Variants in COL13A1 observed in about 807,000 individuals in gnomAD.
COL13A1 encodes collagen alpha-1(XIII) chain.
In COL13A1, 89 loss-of-function variants were observed where a neutral mutation model predicts 130.9. That is an observed-to-expected ratio of 0.68 (90% CI 0.57 to 0.81). COL13A1 has a LOEUF of 0.81. COL13A1 is among the 30% of genes least tolerant of loss of function. The probability of loss-of-function intolerance (pLI) is 0.00; values close to 1 mark genes in which losing one functional copy is unlikely to be tolerated. For synonymous variants in COL13A1, 402 were observed against 341.6 expected (o/e 1.18, Z -1.95); for missense variants, 879 against 934.6 (o/e 0.94, Z 0.78).
At chr10:69,932,421 C>T in intron 30 of COL13A1, 139 bp from the exon 31 acceptor site, 1 of 626,858 alleles carries the variant, frequency 1.6e-6, no homozygotes, top group Non-Finnish European at 3.0e-6. Context: ...CAGGCTGACA[C>T]CTCCACATCC....
At chr10:69,816,111 G>A (rs1330059265) in intron 1 of COL13A1, among the ~76,000 whole-genome samples, 6 of 151,340 alleles carry the variant, frequency 4.0e-5, no homozygotes, top group Admixed American at 2.0e-4. Flanking sequence ...CCTGGCTGCC[G>A]TGTTGAGAAA....
chr10:69,916,985 C>A (rs557146895), intron 17 of COL13A1, among the ~76,000 whole-genome samples: 1 of 152,170 alleles, frequency 6.6e-6, no homozygotes, highest in African/African-American at 2.4e-5. Context: ...AGGTACAGCT[C>A]AACCACAGGG....
intron 2 of COL13A1, among the ~76,000 whole-genome samples, chr10:69,836,244 T>C (rs1471831976): frequency 6.6e-6 from 1 of 152,190 alleles, no homozygotes; most frequent in Non-Finnish European, 1.5e-5. Context: ...GACCCAGGGC[T>C]CCGGTGGGGC....
In COL13A1 at chr10:69,820,359, G is replaced by A. The variant is rs143881725; in HGVS notation, c.295-2010G>A. On this transcript the variant is annotated intron_variant, in intron 1 of 40. Transcript: ENST00000645393. ...CTGCTGCTGAGTGGGTGACAACTCC[G>A]ATGGTTACAACCTTTAGCCAAAATG... Among the ~76,000 whole-genome samples, 75 of 152,336 alleles carry A rather than the reference G, an allele frequency of 4.9e-4. No individual in the cohort carries two copies. In the Middle Eastern group the frequency reaches 0.014, roughly 28 times the overall value.
chr10:69,886,243 C>T (rs1475055629), intron 7 of COL13A1, among the ~76,000 whole-genome samples: 1 of 152,198 alleles, frequency 6.6e-6, no homozygotes, highest in Non-Finnish European at 1.5e-5. Context: ...TGGCAGCTAC[C>T]ATTTCAATAG....
intron 2 of COL13A1, among the ~76,000 whole-genome samples, chr10:69,859,393 C>A (rs1318432347): frequency 6.6e-6 from 1 of 152,010 alleles, no homozygotes; most frequent in African/African-American, 2.4e-5. Flanking sequence ...TCCCAGGCCT[C>A]TGAGGGGTGG....
chr10:69,816,355 C>A (rs1844514618), intron 1 of COL13A1, among the ~76,000 whole-genome samples: 1 of 150,574 alleles, frequency 6.6e-6, no homozygotes, highest in African/African-American at 2.5e-5. Context: ...GGGGCAGGTC[C>A]AAGGAGGAGT....
At position 69,802,691 on chromosome 10, in the gene COL13A1, G is replaced by C. The variant is rs368856563; in HGVS notation, c.268G>C (p.Gly90Arg). The C allele has an allele frequency of 1.2e-6, 2 of 1,612,668 alleles. No homozygotes were observed. Among genetic ancestry groups the C allele is most frequent in the Non-Finnish European group, 1.7e-6 (2 of 1,179,374 alleles). ...GEQQMETAIL[G>R]RVNQLLDEKW... The stretch of plus-strand genomic sequence containing the variant: ...GCAGCAAATGGAGACGGCTATTTTG[G>C]GACGAGTCAATCAACTGCTGGACGA... The change falls in exon 1 of 41, where the codon GGA becomes CGA. Residue 90 changes from glycine (G) to arginine (R), a missense_variant. Transcript: ENST00000645393.
intron 35 of COL13A1, among the ~76,000 whole-genome samples, chr10:69,941,808 G>C (rs3793819): frequency 0.42 from 64,237 of 151,990 alleles, 13,735 homozygotes; most frequent in South Asian, 0.48. Flanking sequence ...GGTCCCTCCC[G>C]TGAGCGCCCT....
At chr10:69,896,699 A>G (rs2061678413) in intron 13 of COL13A1, among the ~76,000 whole-genome samples, 1 of 152,192 alleles carries the variant, frequency 6.6e-6, no homozygotes, top group Non-Finnish European at 1.5e-5. Flanking sequence ...TTCCTGGGCC[A>G]GGGAACCACT....
Position 69,802,113 on chromosome 10 carries a change from T to G in COL13A1, c.-311T>G. 3.2e-6 allele frequency: 1 copy of G among 316,596 alleles called. No individual in the cohort carries two copies. 19.6% of individuals were successfully genotyped at this position (316,596 alleles called of 1,614,324 possible). A position where few individuals can be genotyped will look rare whatever the true frequency, so the allele number is the denominator to read the frequency against. Reference sequence around the variant, plus strand: ...CGGCACCAACTGCTCTGCAGACACTTGAAGGGAAAGACTGGGCGGAGAGAA... The same window carrying G: ...CGGCACCAACTGCTCTGCAGACACTGGAAGGGAAAGACTGGGCGGAGAGAA... On this transcript the variant is annotated 5_prime_UTR_variant, in exon 1 of 41. Transcript: ENST00000645393.
chr10:69,826,217 G>A (rs917019374), intron 2 of COL13A1, among the ~76,000 whole-genome samples: 1 of 152,232 alleles, frequency 6.6e-6, no homozygotes, highest in African/African-American at 2.4e-5. Context: ...CCACGCTGGG[G>A]CTGGGTGGGG....
intron 8 of COL13A1, 131 bp from the exon 9 acceptor site, chr10:69,888,173 C>A: frequency 2.1e-6 from 2 of 953,398 alleles, no homozygotes; most frequent in Non-Finnish European, 3.2e-6. Context: ...TTAACAAGTA[C>A]GTGGTCAAGC....
chr10:69,958,261 A>C (rs943115199), intron 40 of COL13A1, among the ~76,000 whole-genome samples: 2 of 152,122 alleles, frequency 1.3e-5, no homozygotes, highest in Non-Finnish European at 2.9e-5. Flanking sequence ...ACCCCTAAAA[A>C]AATTTCCTCT....
At chr10:69,923,594 G>A (rs951582208) in intron 23 of COL13A1, among the ~76,000 whole-genome samples, 1 of 152,224 alleles carries the variant, frequency 6.6e-6, no homozygotes, top group African/African-American at 2.4e-5. Flanking sequence ...AGGAAAGCAG[G>A]AGTGGGCTTC....
At chr10:69,904,796 G>T (rs2062569055) in intron 15 of COL13A1, 137 bp from the exon 16 acceptor site, 3 of 873,482 alleles carry the variant, frequency 3.4e-6, no homozygotes, top group African/African-American at 1.7e-5. Flanking sequence ...TAGAGCTGTT[G>T]GCTATAGCAT....
chr10:69,898,684 T>C lies in COL13A1; in HGVS notation c.685-13T>C, dbSNP rs1438607212. On this transcript the variant is annotated splice_polypyrimidine_tract_variant and intron_variant, in intron 13 of 40. Coordinates refer to ENST00000645393, the MANE Select transcript of COL13A1 (RefSeq NM_001368882.1). ...CTTTGCCCTCTGGCCCTCCAACTCA[T>C]CTTTCTCCTCAGCTGCTGCCTCTCC... 12 of 1,611,844 alleles carry C rather than the reference T, an allele frequency of 7.4e-6. No individual in the cohort carries two copies. Among genetic ancestry groups the C allele is most frequent in the Non-Finnish European group, 1.0e-5 (12 of 1,179,028 alleles).
intron 1 of COL13A1, among the ~76,000 whole-genome samples, chr10:69,809,390 G>A (rs1460623813): frequency 6.6e-6 from 1 of 152,236 alleles, no homozygotes; most frequent in African/African-American, 2.4e-5. Flanking sequence ...CACTTACACT[G>A]TGTACCAGGG....
chr10:69,872,347 A>G (rs2059159251), intron 4 of COL13A1, 137 bp downstream of exon 4: 10 of 997,522 alleles, frequency 1.0e-5, no homozygotes, highest in Non-Finnish European at 1.1e-5. Flanking sequence ...TCCCTGATCT[A>G]TAGCTTAGGG....
Sources: gnomAD v4.1 joint callset for allele counts (sites outside exome capture counted in the v4.1 genomes callset) on GRCh38, gnomAD v4.1.1 for gene constraint, MANE v1.5 for transcripts, NCBI Gene and HGNC (gene_info 2026-07-23, HGNC 2026-07-21) for gene names.